BMPER: variants seen among roughly 807,000 people sequenced by gnomAD.
BMPER encodes BMP binding endothelial regulator.
A neutral mutation model predicts 87.3 loss-of-function variants in BMPER; 45 were observed. The observed-to-expected ratio is 0.52, with a 90% CI of 0.41 to 0.66. The LOEUF (loss-of-function observed/expected upper bound fraction) is 0.66. BMPER is among the 30% of genes least tolerant of loss of function. The pLI is 0.00. For synonymous variants in BMPER, 326 were observed against 316.2 expected (o/e 1.03, Z -0.33); for missense variants, 784 against 867.5 (o/e 0.90, Z 1.21).
intron 6 of BMPER, among the ~76,000 whole-genome samples, chr7:34,037,190 A>T (rs6950651): frequency 6.6e-6 from 1 of 151,980 alleles, no homozygotes; most frequent in Non-Finnish European, 1.5e-5. Flanking sequence ...GAGAGAGACA[A>T]GTTGTCTCTT....
intron 2 of BMPER, among the ~76,000 whole-genome samples, chr7:33,919,371 G>T (rs1368624438): frequency 3.3e-5 from 5 of 152,232 alleles, no homozygotes; most frequent in African/African-American, 1.2e-4. Flanking sequence ...GTACCTGAAT[G>T]AGGGGGTATT....
At chr7:33,983,867 A>C (rs1036487953) in intron 6 of BMPER, among the ~76,000 whole-genome samples, 1 of 152,188 alleles carries the variant, frequency 6.6e-6, no homozygotes, top group African/African-American at 2.4e-5. Context: ...AAAAAAACCC[A>C]AATCTGGTAC....
chr7:34,007,017 T>A (rs1294343282), intron 6 of BMPER, among the ~76,000 whole-genome samples: 1 of 152,108 alleles, frequency 6.6e-6, no homozygotes, highest in Admixed American at 6.6e-5. Flanking sequence ...AATCTTTTTC[T>A]GGCTTAGGTT....
intron 13 of BMPER, among the ~76,000 whole-genome samples, chr7:34,096,944 G>A (rs1267807136): frequency 6.6e-6 from 1 of 152,208 alleles, no homozygotes; most frequent in Non-Finnish European, 1.5e-5. Context: ...CAAGGTGCTG[G>A]AATTCTAAAG....
rs150755042 is a variant in BMPER, at chr7:33,965,450, C to T, written c.320-1029C>T. ...GTTCTCATGGAAGGAGTGAGTCTCT[C>T]TTCTGTCTTGGACAAGAAAAACTTG... is the stretch of plus-strand genomic sequence containing the variant. On this transcript the variant is annotated intron_variant, in intron 3 of 14. Transcript: ENST00000649409. Among the ~76,000 whole-genome samples the T allele has an allele frequency of 6.4e-3, 970 of 152,180 alleles. 14 individuals are homozygous for T. Among genetic ancestry groups the T allele is most frequent in the African/African-American group, 0.022 (929 of 41,518 alleles).
chr7:34,071,969 C>T (rs935948100), intron 11 of BMPER, among the ~76,000 whole-genome samples: 10 of 152,142 alleles, frequency 6.6e-5, no homozygotes, highest in Non-Finnish European at 1.2e-4. Flanking sequence ...AGCTCTGTGA[C>T]CCCAGCTAGT....
intron 6 of BMPER, among the ~76,000 whole-genome samples, chr7:34,015,457 T>G (rs540457437): frequency 6.6e-6 from 1 of 151,896 alleles, no homozygotes; most frequent in African/African-American, 2.4e-5. Context: ...ATTCCACCTA[T>G]TGGAATTTGA....
At chr7:34,045,355 G>A (rs915950751) in intron 6 of BMPER, among the ~76,000 whole-genome samples, 19 of 152,190 alleles carry the variant, frequency 1.2e-4, no homozygotes, top group Middle Eastern at 3.4e-3. Flanking sequence ...TGAATATGAA[G>A]TTACAACTTA....
chr7:33,938,587 C>G (rs533473567), intron 3 of BMPER, among the ~76,000 whole-genome samples: 6 of 152,326 alleles, frequency 3.9e-5, no homozygotes, highest in African/African-American at 1.4e-4. Flanking sequence ...GCCCTGCCGA[C>G]ACCTTGATCT....
At chr7:34,096,457 T>C (rs576890754) in intron 13 of BMPER, among the ~76,000 whole-genome samples, 19 of 152,300 alleles carry the variant, frequency 1.2e-4, no homozygotes, top group Admixed American at 1.0e-3. Context: ...CGTTTCCCAA[T>C]CAACTTGGCA....
chr7:34,014,951 A>T (rs567409649), intron 6 of BMPER, among the ~76,000 whole-genome samples: 1 of 151,936 alleles, frequency 6.6e-6, no homozygotes, highest in South Asian at 2.1e-4. Context: ...TGTAATATGC[A>T]CACTCAGTAG....
At chr7:34,044,430 T>C (rs1787907552) in intron 6 of BMPER, among the ~76,000 whole-genome samples, 1 of 152,230 alleles carries the variant, frequency 6.6e-6, no homozygotes, top group Non-Finnish European at 1.5e-5. Context: ...CAACCTTGTG[T>C]GGCCCGAGGC....
intron 2 of BMPER, among the ~76,000 whole-genome samples, chr7:33,907,532 G>C (rs767126427): frequency 8.5e-5 from 13 of 152,140 alleles, no homozygotes; most frequent in Non-Finnish European, 1.6e-4. Flanking sequence ...ACTATCAGTG[G>C]TTAGAAGACT....
At chr7:34,135,582 T>A (rs1436640142) in intron 13 of BMPER, among the ~76,000 whole-genome samples, 1 of 152,200 alleles carries the variant, frequency 6.6e-6, no homozygotes. Flanking sequence ...TGCTTTGTAT[T>A]GTTTTTGATA....
intron 7 of BMPER, among the ~76,000 whole-genome samples, chr7:34,051,345 T>C (rs1485617775): frequency 6.6e-6 from 1 of 152,192 alleles, no homozygotes; most frequent in East Asian, 1.9e-4. Flanking sequence ...CTTCTTGAGA[T>C]ATGCTGATTC....
chr7:34,091,585 G>A (rs760488146), intron 13 of BMPER, among the ~76,000 whole-genome samples: 26 of 152,236 alleles, frequency 1.7e-4, no homozygotes, highest in Non-Finnish European at 3.1e-4. Context: ...TTAATTCACC[G>A]TGTCTACAAA....
chr7:34,019,070 A>T (rs1231988351), intron 6 of BMPER, among the ~76,000 whole-genome samples: 2 of 151,978 alleles, frequency 1.3e-5, no homozygotes, highest in African/African-American at 4.8e-5. Flanking sequence ...GACTTGCTTG[A>T]CAACTTATTT....
intron 13 of BMPER, among the ~76,000 whole-genome samples, chr7:34,123,662 C>T (rs1245152581): frequency 6.6e-6 from 1 of 152,186 alleles, no homozygotes; most frequent in Non-Finnish European, 1.5e-5. Flanking sequence ...TCAGTCTGAG[C>T]CAAATTCATG....
intron 6 of BMPER, among the ~76,000 whole-genome samples, chr7:34,017,419 G>T (rs1180653685): frequency 6.6e-6 from 1 of 151,814 alleles, no homozygotes; most frequent in East Asian, 1.9e-4. Context: ...GCAAAAGAGA[G>T]CTTGTGTGGG....
Sources: gnomAD v4.1 joint callset for allele counts (sites outside exome capture counted in the v4.1 genomes callset) on GRCh38, gnomAD v4.1.1 for gene constraint, MANE v1.5 for transcripts, NCBI Gene and HGNC (gene_info 2026-07-23, HGNC 2026-07-21) for gene names.